TGFBR3: variants seen among roughly 807,000 people sequenced by gnomAD.
TGFBR3 encodes the protein transforming growth factor beta receptor 3.
A neutral mutation model predicts 87.9 loss-of-function variants in TGFBR3; 46 were observed. The ratio of observed to expected loss-of-function variants is 0.52; its 90% CI spans 0.41 to 0.67. The LOEUF (loss-of-function observed/expected upper bound fraction) is 0.67, where lower values mean the gene tolerates loss of function less well. Among genes scored for constraint, TGFBR3 ranks in the 30% least tolerant of loss-of-function variants. The pLI is 0.00. For missense variants in TGFBR3, 866 were observed against 1,041.9 expected, an observed-to-expected ratio of 0.83 and a Z score of 2.32; for synonymous variants, 381 against 391.6, an observed-to-expected ratio of 0.97 and a Z score of 0.32.
At chr1:91,902,271 T>TTGTGTGTGTGTGTG (rs200355608) in intron 1 of TGFBR3, among the ~76,000 whole-genome samples, 2 of 148,250 alleles carry the variant, frequency 1.3e-5, no homozygotes, top group Non-Finnish European at 3.0e-5. Flanking sequence ...TCCTTTTCTT[T>TTGTGTGTGTGTGTG]TGTGTGTGTG....
intron 2 of TGFBR3, among the ~76,000 whole-genome samples, chr1:91,808,276 TTTAA>T (rs1391315630): frequency 1.3e-5 from 2 of 152,180 alleles, no homozygotes; most frequent in African/African-American, 4.8e-5. Flanking sequence ...AAAAAATTTT[TTTAA>T]TTAAATTAAA....
chr1:91,883,778 C>CAA (rs534135346), intron 1 of TGFBR3, among the ~76,000 whole-genome samples: 7 of 115,934 alleles, frequency 6.0e-5, no homozygotes, highest in Non-Finnish European at 9.1e-5. Context: ...ACTGAAGGGC[C>CAA]AAAAAAAAAA....
Position 91,796,278 on chromosome 1 carries a change from G to A in TGFBR3, c.246+1009C>T, listed in dbSNP as rs184196308. ...ATTTTTGAGCCACAGGAAAGAGGAC[G>A]CCATTTCTCTCTGAAGATGATGACC... On this transcript the variant is annotated intron_variant, in intron 3 of 16. Transcript: ENST00000212355. 1.3e-3 allele frequency among the ~76,000 whole-genome samples: 195 copies of A among 152,232 alleles called. 1 individual carries two copies. The highest frequency in any genetic ancestry group is 3.7e-3 in the Admixed American group (56 of 15,298).
intron 7 of TGFBR3, among the ~76,000 whole-genome samples, chr1:91,725,170 T>A (rs1380693663): frequency 6.6e-6 from 1 of 152,194 alleles, no homozygotes; most frequent in African/African-American, 2.4e-5. Context: ...GCCCACTGCC[T>A]GGCTCTTTGC....
intron 3 of TGFBR3, among the ~76,000 whole-genome samples, chr1:91,770,107 T>C (rs1421982104): frequency 1.3e-5 from 2 of 152,088 alleles, no homozygotes; most frequent in African/African-American, 2.4e-5. Context: ...GAGAAACTCA[T>C]AGCACATTTT....
At chr1:91,815,841 G>A (rs1241651776) in intron 2 of TGFBR3, among the ~76,000 whole-genome samples, 1 of 152,200 alleles carries the variant, frequency 6.6e-6, no homozygotes, top group Non-Finnish European at 1.5e-5. Context: ...AAAGAAGTTG[G>A]CTGTAATCAG....
At chr1:91,727,634 CAA>C (rs748990022) in intron 7 of TGFBR3, 23 bp downstream of exon 7, 10 of 1,613,706 alleles carry the variant, frequency 6.2e-6, no homozygotes, top group Non-Finnish European at 3.4e-6. Flanking sequence ...CTAAACAAAA[CAA>C]AAGACATGCT....
chr1:91,697,289 T>C (rs1025421198), intron 15 of TGFBR3, among the ~76,000 whole-genome samples: 1 of 152,194 alleles, frequency 6.6e-6, no homozygotes, highest in African/African-American at 2.4e-5. Context: ...AATAATCCAC[T>C]TAAGACAATG....
intron 8 of TGFBR3, among the ~76,000 whole-genome samples, chr1:91,721,680 G>A (rs1392880688): frequency 6.6e-6 from 1 of 152,088 alleles, no homozygotes; most frequent in Admixed American, 6.5e-5. Flanking sequence ...TGGTCATTAG[G>A]TGTCTCGGAG....
At chr1:91,774,756 T>C (rs1674510110) in intron 3 of TGFBR3, among the ~76,000 whole-genome samples, 1 of 152,106 alleles carries the variant, frequency 6.6e-6, no homozygotes, top group African/African-American at 2.4e-5. Flanking sequence ...TTGAGTACAC[T>C]GTGCAAAGTT....
intron 2 of TGFBR3, among the ~76,000 whole-genome samples, chr1:91,800,330 A>ATATGTGTG (rs1553168326): frequency 4.8e-4 from 65 of 136,258 alleles, no homozygotes; most frequent in African/African-American, 1.8e-3. Flanking sequence ...ATATGTGTAT[A>ATATGTGTG]TGTGTGTGTG....
chr1:91,851,929 AC>A (rs1369698977), intron 2 of TGFBR3, among the ~76,000 whole-genome samples: 1 of 152,202 alleles, frequency 6.6e-6, no homozygotes, highest in African/African-American at 2.4e-5. Context: ...CAGTTGCCCA[AC>A]TAGCTATTAG....
chr1:91,683,135 G>C lies in TGFBR3; in HGVS notation c.*604C>G, dbSNP rs1223444813. The C allele has an allele frequency of 1.1e-5, 5 of 454,440 alleles. No homozygotes were observed. The highest frequency in any genetic ancestry group is 1.8e-5 in the Non-Finnish European group (4 of 226,814). 28.2% of individuals were successfully genotyped at this position (454,440 alleles called of 1,614,324 possible). The stretch of plus-strand genomic sequence containing the variant: ...AGAAAGGAATGTTGCCTTAACACTT[G>C]TCAGGGTGCAGTCCCTGAGGGCAGC... On this transcript the variant is annotated 3_prime_UTR_variant, in exon 17 of 17. Coordinates refer to ENST00000212355, the MANE Select transcript of TGFBR3 (RefSeq NM_003243.5).
chr1:91,895,320 C>T (rs1228508355), intron 2 of TGFBR3, among the ~76,000 whole-genome samples: 1 of 152,116 alleles, frequency 6.6e-6, no homozygotes, highest in Non-Finnish European at 1.5e-5. Context: ...CTCTCTTGCT[C>T]CTGCTTCCAC....
At chr1:91,903,048 G>T in intron 1 of TGFBR3, among the ~76,000 whole-genome samples, 1 of 141,828 alleles carries the variant, frequency 7.1e-6, no homozygotes, top group Non-Finnish European at 1.5e-5. Context: ...AAAAAAAATT[G>T]AGGCCGGGCA....
chr1:91,749,101 G>T (rs776426034), intron 4 of TGFBR3, among the ~76,000 whole-genome samples: 1 of 152,106 alleles, frequency 6.6e-6, no homozygotes, highest in African/African-American at 2.4e-5. Flanking sequence ...TATACAAACT[G>T]CAAGAAAAGG....
chr1:91,724,282 T>C (rs760606074), intron 7 of TGFBR3, among the ~76,000 whole-genome samples: 21 of 152,166 alleles, frequency 1.4e-4, no homozygotes, highest in Non-Finnish European at 1.9e-4. Context: ...TCATGAAAGA[T>C]CCAATTTATT....
At chr1:91,858,610 CAAAAAA>C (rs58608714) in intron 2 of TGFBR3, among the ~76,000 whole-genome samples, 2 of 78,322 alleles carry the variant, frequency 2.6e-5, no homozygotes, top group African/African-American at 1.1e-4. Context: ...GACTCTGTCT[CAAAAAA>C]AAAAAAAAAA....
At chr1:91,830,530 C>A (rs1473012819) in intron 2 of TGFBR3, among the ~76,000 whole-genome samples, 1 of 152,172 alleles carries the variant, frequency 6.6e-6, no homozygotes, top group Non-Finnish European at 1.5e-5. Flanking sequence ...AGAGCTTTCT[C>A]TGGGTTCTAC....
Sources: gnomAD v4.1 joint callset for allele counts (sites outside exome capture counted in the v4.1 genomes callset) on GRCh38, gnomAD v4.1.1 for gene constraint, MANE v1.5 for transcripts, NCBI Gene and HGNC (gene_info 2026-07-23, HGNC 2026-07-21) for gene names.